MGST1: variants seen among roughly 807,000 people sequenced by gnomAD.
MGST1 encodes the protein glutathione S-transferase 12.
A neutral mutation model predicts 8.9 loss-of-function variants in MGST1; 5 were observed. The ratio of observed to expected loss-of-function variants is 0.56; its 90% CI spans 0.29 to 1.19. The LOEUF is 1.19. Among genes scored for constraint, MGST1 ranks in the 50% most tolerant of loss-of-function variants. MGST1 has a pLI of 0.08. For synonymous variants in MGST1, 54 were observed against 67.8 expected, an observed-to-expected ratio of 0.80 and a Z score of 1.00; for missense variants, 182 against 187.4, an observed-to-expected ratio of 0.97 and a Z score of 0.17.
chr12:16,504,967 A>G (rs1222611079), intron 4 of MGST1, among the ~76,000 whole-genome samples: 1 of 152,202 alleles, frequency 6.6e-6, no homozygotes, highest in African/African-American at 2.4e-5. Context: ...TGTTAAATTT[A>G]ATGGCTTCTT....
intron 4 of MGST1, among the ~76,000 whole-genome samples, chr12:16,487,373 C>T (rs1033483772): frequency 2.6e-5 from 4 of 152,138 alleles, no homozygotes; most frequent in Non-Finnish European, 5.9e-5. Flanking sequence ...TTTTCTCAAT[C>T]TTACATAAAT....
rs1362495661 is a variant in MGST1, at chr12:16,363,545, A to G, written c.222-250A>G. The G allele has an allele frequency of 3.8e-6, 1 of 264,018 alleles. No homozygotes were observed. Among genetic ancestry groups the G allele is most frequent in the East Asian group, 6.9e-5 (1 of 14,546 alleles). The allele number at this position is 264,018 out of a possible 1,614,324, so 16.4% of individuals were successfully genotyped here. A position where few individuals can be genotyped will look rare whatever the true frequency, so the allele number is the denominator to read the frequency against. On this transcript the variant is annotated intron_variant, in intron 3 of 3. Transcript: ENST00000396210. The surrounding 1 kb of genome is among the most constrained non-coding windows in gnomAD (Gnocchi z 4.6). ...TAGATAGATGTCGTTTTGATATTCT[A>G]GGAACTACAAAATGCCTTCTGTGAT...
At chr12:16,417,651 TC>T (rs1439707923) in intron 1 of MGST1, among the ~76,000 whole-genome samples, 1 of 152,150 alleles carries the variant, frequency 6.6e-6, no homozygotes, top group Non-Finnish European at 1.5e-5. Flanking sequence ...AGTTTGATAG[TC>T]TAACCAATAA....
chr12:16,456,602 C>G (rs1402765368), intron 4 of MGST1, among the ~76,000 whole-genome samples: 1 of 151,838 alleles, frequency 6.6e-6, no homozygotes, highest in Non-Finnish European at 1.5e-5. Flanking sequence ...ACGTCTTTTT[C>G]AATCACTACT....
rs1481958592 is a variant in MGST1 at position 16,482,538 on chromosome 12, G to A, written n.482+98934G>A. Among the ~76,000 whole-genome samples the A allele has an allele frequency of 6.6e-6, 1 of 152,006 alleles. No individual in the cohort carries two copies. Among genetic ancestry groups the A allele is most frequent in the Non-Finnish European group, 1.5e-5 (1 of 68,032 alleles). ...CCTAGCTACTCGGGAGGCCGAGGCA[G>A]GAGAATTGCTTGAAACTGGGAGGTG... On this transcript the variant is annotated intron_variant and non_coding_transcript_variant, in intron 4 of 4. Coordinates refer to the MGST1 transcript ENST00000538857. The surrounding 1 kb of genome is among the most constrained non-coding windows in gnomAD (Gnocchi z 4.2).
intron 1 of MGST1, among the ~76,000 whole-genome samples, chr12:16,418,264 G>T (rs1335829242): frequency 6.6e-6 from 1 of 152,092 alleles, no homozygotes; most frequent in East Asian, 1.9e-4. Context: ...GATGCACATT[G>T]TAAATGACAG....
In MGST1 at chr12:16,523,562, T is replaced by G. The variant is rs76589984; in HGVS notation, n.483-65966T>G. ...GTTTTACCTTCATTCTGGTGATGCT[T>G]TCTGGTACTTAAAAAAAATGCTTCA... On this transcript the variant is annotated intron_variant and non_coding_transcript_variant, in intron 4 of 4. Coordinates refer to the MGST1 transcript ENST00000538857. Among the ~76,000 whole-genome samples the G allele has an allele frequency of 1.3e-3, 195 of 152,010 alleles. 3 individuals are homozygous for G. In the East Asian group the frequency reaches 0.033, roughly 26 times the overall value.
chr12:16,439,088 A>C (rs1941015840), downstream of MGST1, among the ~76,000 whole-genome samples: 1 of 149,938 alleles, frequency 6.7e-6, no homozygotes, highest in African/African-American at 2.4e-5. Context: ...GTGTAATATA[A>C]ATTGTATGGG....
At chr12:16,577,594 A>G (rs1943034111) in intron 4 of MGST1, among the ~76,000 whole-genome samples, 1 of 152,222 alleles carries the variant, frequency 6.6e-6, no homozygotes, top group Non-Finnish European at 1.5e-5. Context: ...CCTGTTCACA[A>G]AACGTTTGTG....
chr12:16,461,002 G>T, intron 4 of MGST1, among the ~76,000 whole-genome samples: 1 of 151,994 alleles, frequency 6.6e-6, no homozygotes, highest in East Asian at 1.9e-4. Flanking sequence ...TTCAGAGGAA[G>T]ATATAGAATA....
intron 2 of MGST1, among the ~76,000 whole-genome samples, chr12:16,357,196 T>G (rs2136952545): frequency 6.6e-6 from 1 of 152,348 alleles, no homozygotes; most frequent in South Asian, 2.1e-4. Context: ...TGGATGTCTA[T>G]ATTTCTTCCA....
rs1328446030 is a variant in MGST1 at position 16,559,870 on chromosome 12, G to A, written n.483-29658G>A. Among the ~76,000 whole-genome samples the A allele has an allele frequency of 3.3e-5, 5 of 152,054 alleles. No individual in the cohort carries two copies. Among genetic ancestry groups the A allele is most frequent in the Non-Finnish European group, 7.4e-5 (5 of 68,016 alleles). On this transcript the variant is annotated intron_variant and non_coding_transcript_variant, in intron 4 of 4. Coordinates refer to the MGST1 transcript ENST00000538857. This position sits in a 1 kb window ranked among gnomAD's most constrained non-coding sequence, Gnocchi z 4.1. ...CCAGCTACTCGGGAGGCTGAGGCAG[G>A]AGGATTGCTTGAGCACAGAAGTTGA...
At chr12:16,414,847 A>T (rs1184402738) in intron 1 of MGST1, among the ~76,000 whole-genome samples, 1 of 151,398 alleles carries the variant, frequency 6.6e-6, no homozygotes, top group East Asian at 2.0e-4. Context: ...ACATGGTGAA[A>T]CCCCATTTCT....
At chr12:16,480,176 C>T (rs1941355425) in intron 4 of MGST1, among the ~76,000 whole-genome samples, 1 of 149,068 alleles carries the variant, frequency 6.7e-6, no homozygotes, top group South Asian at 2.1e-4. Flanking sequence ...GGAGTCTCAC[C>T]CTATCACCCA....
In MGST1 at chr12:16,582,604, G is replaced by A. The variant is rs187244882; in HGVS notation, n.483-6924G>A. On this transcript the variant is annotated intron_variant and non_coding_transcript_variant, in intron 4 of 4. Coordinates refer to the MGST1 transcript ENST00000538857. The surrounding 1 kb of genome is among the most constrained non-coding windows in gnomAD (Gnocchi z 4.1). ...TGGAGAGTAATGGGCTACGGGTAGAGATTGAGCCATCACAATAAGAGGAGG... is the reference window on the plus strand; with the variant it reads ...TGGAGAGTAATGGGCTACGGGTAGAAATTGAGCCATCACAATAAGAGGAGG... 5.0e-4 allele frequency among the ~76,000 whole-genome samples: 76 copies of A among 152,256 alleles called. 1 individual carries two copies. Among genetic ancestry groups the A allele is most frequent in the Middle Eastern group, 3.4e-3 (1 of 294 alleles).
At chr12:16,514,023 T>G in intron 4 of MGST1, 1 of 421,524 alleles carries the variant, frequency 2.4e-6, no homozygotes, top group Admixed American at 3.1e-5. Context: ...CTTGCTCCCA[T>G]AATCCCACAG....
chr12:16,590,362 A>G (rs765052439), downstream of MGST1, among the ~76,000 whole-genome samples: 14 of 152,086 alleles, frequency 9.2e-5, no homozygotes, highest in Non-Finnish European at 1.9e-4. Flanking sequence ...TTAAATAACA[A>G]TATGTCCTTA....
At chr12:16,368,758 A>C (rs1412949354), downstream of MGST1, among the ~76,000 whole-genome samples, 1 of 152,134 alleles carries the variant, frequency 6.6e-6, no homozygotes, top group Non-Finnish European at 1.5e-5. Flanking sequence ...CATTTAATTC[A>C]GAAAGCCCTG....
At chr12:16,581,348 G>A (rs189700093) in intron 4 of MGST1, among the ~76,000 whole-genome samples, 87 of 152,250 alleles carry the variant, frequency 5.7e-4, no homozygotes, top group African/African-American at 1.8e-3. Context: ...CAGCCTCAGT[G>A]CCTTCTTCTC....
Sources: allele counts gnomAD v4.1 joint callset (sites outside exome capture counted in the v4.1 genomes callset), GRCh38; gene constraint gnomAD v4.1.1; non-coding constraint Gnocchi (gnomAD v3.1); transcripts MANE v1.5; gene names NCBI Gene and HGNC (gene_info 2026-07-23, HGNC 2026-07-21).